Variants in RBMS3 observed in about 807,000 individuals in gnomAD.
RBMS3 encodes RNA-binding motif, single-stranded-interacting protein 3.
A neutral mutation model predicts 66.8 loss-of-function variants in RBMS3; 27 were observed. That is an observed-to-expected ratio of 0.40 (90% CI 0.30 to 0.56). The LOEUF (loss-of-function observed/expected upper bound fraction) is 0.56. Ranked by LOEUF, RBMS3 falls within the 20% of genes least tolerant of loss-of-function variation. The probability of loss-of-function intolerance (pLI) is 0.40; values close to 1 mark genes in which losing one functional copy is unlikely to be tolerated. For synonymous variants in RBMS3, 188 were observed against 183.0 expected, an observed-to-expected ratio of 1.03 and a Z score of -0.22; for missense variants, 513 against 549.5, an observed-to-expected ratio of 0.93 and a Z score of 0.66.
intron 2 of RBMS3, among the ~76,000 whole-genome samples, chr3:29,471,020 T>G (rs2042707447): frequency 6.6e-6 from 1 of 152,170 alleles, no homozygotes; most frequent in African/African-American, 2.4e-5. Flanking sequence ...ATACATTGCT[T>G]TTGGCACTGG....
intron 8 of RBMS3, among the ~76,000 whole-genome samples, chr3:29,892,297 T>C (rs2060018519): frequency 6.6e-6 from 1 of 151,534 alleles, no homozygotes; most frequent in Non-Finnish European, 1.5e-5. Context: ...ATTTTGTTCA[T>C]GTGAAAGAAA....
At chr3:29,428,652 G>A (rs1241342741) in intron 1 of RBMS3, among the ~76,000 whole-genome samples, 2 of 151,444 alleles carry the variant, frequency 1.3e-5, no homozygotes, top group Non-Finnish European at 2.9e-5. Flanking sequence ...TACAAATGTA[G>A]GAGGACCCAG....
At chr3:29,645,436 T>A (rs1306702291) in intron 4 of RBMS3, among the ~76,000 whole-genome samples, 1 of 152,212 alleles carries the variant, frequency 6.6e-6, no homozygotes, top group Non-Finnish European at 1.5e-5. Context: ...GGTCTTTGTA[T>A]AAGGAACAAT....
chr3:29,652,121 C>G (rs556283482), intron 4 of RBMS3, among the ~76,000 whole-genome samples: 1 of 152,032 alleles, frequency 6.6e-6, no homozygotes, highest in South Asian at 2.1e-4. Context: ...TCTTTCATCC[C>G]GAACAATTTA....
intron 4 of RBMS3, chr3:29,698,567 C>G: frequency 2.0e-6 from 2 of 985,282 alleles, no homozygotes; most frequent in Non-Finnish European, 2.4e-6. Flanking sequence ...TATTTCATAA[C>G]AAAATGAGCA....
chr3:29,349,849 C>T (rs945114337), intron 1 of RBMS3, among the ~76,000 whole-genome samples: 8 of 152,054 alleles, frequency 5.3e-5, no homozygotes, highest in Admixed American at 3.9e-4. Context: ...CCATGAATCT[C>T]GATTTATTCA....
chr3:29,544,659 A>T (rs2045881318), intron 3 of RBMS3, among the ~76,000 whole-genome samples: 1 of 151,822 alleles, frequency 6.6e-6, no homozygotes, highest in Non-Finnish European at 1.5e-5. Context: ...CCCACTCGAG[A>T]ATATCCTTAG....
chr3:29,543,639 G>A (rs1344848890), intron 3 of RBMS3, among the ~76,000 whole-genome samples: 2 of 152,200 alleles, frequency 1.3e-5, no homozygotes, highest in Admixed American at 6.5e-5. Context: ...GAACCCAGGA[G>A]GTGGTGGTTG....
chr3:29,475,782 T>G (rs1173687350), intron 2 of RBMS3, among the ~76,000 whole-genome samples: 2 of 152,118 alleles, frequency 1.3e-5, no homozygotes, highest in South Asian at 2.1e-4. Context: ...AAGCAGTGCT[T>G]TGGATTGTGA....
At chr3:29,943,924 C>T (rs1266727280) in intron 11 of RBMS3, among the ~76,000 whole-genome samples, 1 of 151,520 alleles carries the variant, frequency 6.6e-6, no homozygotes, top group Non-Finnish European at 1.5e-5. Flanking sequence ...ATATTGATTC[C>T]CTAAGGGAGG....
At chr3:29,779,449 A>G (rs1362142238) in intron 6 of RBMS3, among the ~76,000 whole-genome samples, 1 of 151,630 alleles carries the variant, frequency 6.6e-6, no homozygotes, top group Non-Finnish European at 1.5e-5. Flanking sequence ...CAAAGAAGCC[A>G]TGGACACTGA....
chr3:29,391,991 T>A (rs1251787063), intron 1 of RBMS3, among the ~76,000 whole-genome samples: 1 of 152,178 alleles, frequency 6.6e-6, no homozygotes, highest in Non-Finnish European at 1.5e-5. Context: ...GGCTCACGCC[T>A]GTAATCCCAG....
intron 4 of RBMS3, among the ~76,000 whole-genome samples, chr3:29,680,139 A>G (rs1429193771): frequency 1.3e-5 from 2 of 152,174 alleles, no homozygotes; most frequent in African/African-American, 2.4e-5. Context: ...TGAAATCCCC[A>G]GTGTCGATTT....
At chr3:29,726,360 G>A (rs2053875726) in intron 4 of RBMS3, among the ~76,000 whole-genome samples, 1 of 152,106 alleles carries the variant, frequency 6.6e-6, no homozygotes. Context: ...TCTGGCCAGG[G>A]CAATCAGTCA....
chr3:29,842,287 G>A (rs2058679583), intron 6 of RBMS3, among the ~76,000 whole-genome samples: 1 of 152,036 alleles, frequency 6.6e-6, no homozygotes. Flanking sequence ...AGCAAAGAAA[G>A]CTACTCCTGA....
At chr3:29,650,138 G>A (rs925484020) in intron 4 of RBMS3, among the ~76,000 whole-genome samples, 2 of 152,176 alleles carry the variant, frequency 1.3e-5, no homozygotes, top group Middle Eastern at 3.4e-3. Context: ...CATTTGAAAA[G>A]GATTGTCTGA....
intron 4 of RBMS3, among the ~76,000 whole-genome samples, chr3:29,679,972 A>G (rs1320766426): frequency 1.3e-5 from 2 of 152,094 alleles, no homozygotes; most frequent in Non-Finnish European, 2.9e-5. Flanking sequence ...AACATATTTC[A>G]TGTGAATTTG....
rs571937842 is a variant in RBMS3 at position 29,453,306 on chromosome 3, C to T, written c.248+18391C>T. Among the ~76,000 whole-genome samples the T allele has an allele frequency of 4.6e-5, 7 of 152,192 alleles. No individual in the cohort carries two copies. In the South Asian group the frequency reaches 1.2e-3, roughly 27 times the overall value. Reference sequence around the variant, plus strand: ...TTAGGGCTTCCACAGGAAGTAGATACCACTGGATTGGATTTTAGACAAGGA... The same window carrying T: ...TTAGGGCTTCCACAGGAAGTAGATATCACTGGATTGGATTTTAGACAAGGA... On this transcript the variant is annotated intron_variant, in intron 2 of 14. Transcript: ENST00000383767.
At chr3:29,998,782 A>T (rs1699421819) in intron 14 of RBMS3, among the ~76,000 whole-genome samples, 1 of 152,176 alleles carries the variant, frequency 6.6e-6, no homozygotes, top group Non-Finnish European at 1.5e-5. Flanking sequence ...GGATGGATTA[A>T]AGACTTAAAT....
Sources: allele counts gnomAD v4.1 joint callset (sites outside exome capture counted in the v4.1 genomes callset), GRCh38; gene constraint gnomAD v4.1.1; transcripts MANE v1.5; gene names NCBI Gene and HGNC (gene_info 2026-07-23, HGNC 2026-07-21).